The following EIF3H variants were observed in gnomAD, a reference collection of about 807,000 sequenced individuals.
EIF3H encodes eIF-3-gamma.
EIF3H carries 26 observed loss-of-function variants against 44.2 expected under a neutral mutation model. The ratio of observed to expected loss-of-function variants is 0.59; its 90% CI spans 0.43 to 0.82. The LOEUF (loss-of-function observed/expected upper bound fraction) is 0.82. Among genes scored for constraint, EIF3H ranks in the 40% least tolerant of loss-of-function variants. The pLI is 0.00. For missense variants in EIF3H, 359 were observed against 432.8 expected (o/e 0.83, Z 1.51); for synonymous variants, 166 against 151.9 (o/e 1.09, Z -0.68).
At chr8:116,748,173 A>G (rs1815270852) in intron 1 of EIF3H, among the ~76,000 whole-genome samples, 1 of 151,974 alleles carries the variant, frequency 6.6e-6, no homozygotes, top group African/African-American at 2.4e-5. Context: ...AAAAAAACAA[A>G]AACAAAACAA....
intron 2 of EIF3H, among the ~76,000 whole-genome samples, chr8:116,660,330 A>G (rs1813565315): frequency 6.6e-6 from 1 of 152,214 alleles, no homozygotes; most frequent in Non-Finnish European, 1.5e-5. Flanking sequence ...TTTTGGTTAT[A>G]CCACTATGGT....
Position 116,657,331 on chromosome 8 carries a change from G to A in EIF3H, c.458-17C>T. 1 of 1,587,624 alleles carries A rather than the reference G, an allele frequency of 6.3e-7. No individual in the cohort carries two copies. Among genetic ancestry groups the A allele is most frequent in the African/African-American group, 1.3e-5 (1 of 74,434 alleles). On this transcript the variant is annotated splice_polypyrimidine_tract_variant and intron_variant, in intron 3 of 7. Transcript: ENST00000521861. Reference sequence around the variant, plus strand: ...TTATGGGATCTCAAACAAGGAAAGAGAAATAAATTACTAAGAATTTTGTCA... The same window carrying A: ...TTATGGGATCTCAAACAAGGAAAGAAAAATAAATTACTAAGAATTTTGTCA...
chr8:116,667,156 T>C (rs1813684268), intron 2 of EIF3H, among the ~76,000 whole-genome samples: 1 of 152,172 alleles, frequency 6.6e-6, no homozygotes, highest in African/African-American at 2.4e-5. Context: ...GATTAAAACA[T>C]ACAATTTGGC....
At chr8:116,739,419 G>A (rs1436579465) in intron 1 of EIF3H, among the ~76,000 whole-genome samples, 17 of 152,222 alleles carry the variant, frequency 1.1e-4, no homozygotes, top group South Asian at 4.1e-4. Context: ...TGGAGGCCGC[G>A]GCGGGCAGAT....
Position 116,655,937 on chromosome 8 carries a change from T to C in EIF3H, c.626A>G (p.His209Arg), listed in dbSNP as rs1263658641. The C allele has an allele frequency of 6.2e-7, 1 of 1,613,736 alleles. No homozygotes were observed. The highest frequency in any genetic ancestry group is 8.5e-7 in the Non-Finnish European group (1 of 1,179,724). The change falls in exon 5 of 8, where the codon CAT becomes CGT. Residue 209 changes from histidine to arginine, a missense_variant. His to Arg is a conservative substitution (Grantham distance 29). Around this residue, in one of 5 missense-constraint regions of EIF3H, gnomAD observed 85 missense variants for 79.2 expected, o/e 1.07. Coordinates refer to ENST00000521861, the MANE Select transcript of EIF3H (RefSeq NM_003756.3). ...TTCCCACATTAGGACATTGATCAGA[T>C]GTGAATTTTTAATTACAATCGGCAC... ...EEVPIVIKNS[H>R]LINVLMWELE... is the part of the protein sequence containing the mutation.
At chr8:116,745,926 A>T (rs1042896115) in intron 1 of EIF3H, among the ~76,000 whole-genome samples, 2 of 145,170 alleles carry the variant, frequency 1.4e-5, no homozygotes, top group Admixed American at 6.9e-5. Flanking sequence ...GTCTCAAAGG[A>T]AAAAAAAAAA....
At chr8:116,725,945 G>T in intron 2 of EIF3H, 71 bp downstream of exon 2, 1 of 1,496,106 alleles carries the variant, frequency 6.7e-7, no homozygotes, top group Non-Finnish European at 9.0e-7. Context: ...ATTATCAAAA[G>T]TTATGGTGAG....
intron 2 of EIF3H, among the ~76,000 whole-genome samples, chr8:116,705,169 C>T (rs1814446255): frequency 6.6e-6 from 1 of 151,964 alleles, no homozygotes; most frequent in African/African-American, 2.4e-5. Flanking sequence ...AACAGTATGA[C>T]CAAGATACCT....
At chr8:116,749,630 T>A (rs1815294662) in intron 1 of EIF3H, among the ~76,000 whole-genome samples, 1 of 152,220 alleles carries the variant, frequency 6.6e-6, no homozygotes, top group African/African-American at 2.4e-5. Flanking sequence ...CCATTCTTTC[T>A]TTATTTTTGT....
chr8:116,712,210 A>T (rs1343443419), intron 2 of EIF3H, among the ~76,000 whole-genome samples: 1 of 152,154 alleles, frequency 6.6e-6, no homozygotes, highest in Non-Finnish European at 1.5e-5. Flanking sequence ...TCCTTCTACC[A>T]CAGATGCTGG....
chr8:116,764,336 T>C (rs1460175620), intron 1 of EIF3H, among the ~76,000 whole-genome samples: 2 of 152,238 alleles, frequency 1.3e-5, no homozygotes, highest in Non-Finnish European at 2.9e-5. Context: ...ATAATGGCAG[T>C]ATTTGGCTTC....
intron 2 of EIF3H, among the ~76,000 whole-genome samples, chr8:116,660,298 A>G (rs546085774): frequency 6.6e-6 from 1 of 152,350 alleles, no homozygotes; most frequent in African/African-American, 2.4e-5. Context: ...TTAGCAAAAG[A>G]AAAGTTATAT....
chr8:116,748,612 T>C (rs1815278772), intron 1 of EIF3H, among the ~76,000 whole-genome samples: 1 of 152,170 alleles, frequency 6.6e-6, no homozygotes, highest in Admixed American at 6.5e-5. Flanking sequence ...ATACACGAGG[T>C]ACTGTTCTAG....
intron 1 of EIF3H, among the ~76,000 whole-genome samples, chr8:116,752,997 T>A (rs1044955770): frequency 1.3e-5 from 2 of 152,142 alleles, no homozygotes; most frequent in African/African-American, 4.8e-5. Flanking sequence ...AATCCATTAA[T>A]AAAATTTAGA....
chr8:116,655,780 C>T, intron 5 of EIF3H, 76 bp downstream of exon 5: 1 of 1,452,146 alleles, frequency 6.9e-7, no homozygotes, highest in Non-Finnish European at 9.6e-7. Context: ...TCTTGTTTCA[C>T]AGGTAAAGTT....
chr8:116,723,940 A>AT (rs972818641), intron 2 of EIF3H, among the ~76,000 whole-genome samples: 2 of 152,206 alleles, frequency 1.3e-5, no homozygotes, highest in African/African-American at 2.4e-5. Flanking sequence ...TCACAATGAC[A>AT]TTTTTTGTAG....
intron 2 of EIF3H, chr8:116,689,026 A>T (rs1008472463): frequency 4.8e-6 from 2 of 414,184 alleles, no homozygotes; most frequent in Non-Finnish European, 9.8e-6. Context: ...CATTATTCAT[A>T]ATAGGCAAAT....
chr8:116,642,316 T>A lies in EIF3H; in HGVS notation c.*2690A>T, dbSNP rs201175635. 1 of 152,110 alleles carries A rather than the reference T, an allele frequency of 6.6e-6. No homozygotes were observed. The highest frequency in any genetic ancestry group is 1.5e-5 in the Non-Finnish European group (1 of 68,004). 9.4% of individuals were successfully genotyped at this position (152,110 alleles called of 1,614,324 possible). ...GAATGTAATAATATTTTAGAAGACA[T>A]TAAAACTTAAATATTTAGATGCTGT... is the stretch of plus-strand genomic sequence containing the variant. On this transcript the variant is annotated 3_prime_UTR_variant, in exon 8 of 8. Transcript: ENST00000521861.
At chr8:116,678,997 G>C (rs1440577837) in intron 2 of EIF3H, among the ~76,000 whole-genome samples, 1 of 78,802 alleles carries the variant, frequency 1.3e-5, no homozygotes, top group African/African-American at 3.5e-5. Flanking sequence ...AGGTGGGGGG[G>C]TCAGCCCCCC....
Sources: gnomAD v4.1 joint callset for allele counts (sites outside exome capture counted in the v4.1 genomes callset) on GRCh38, gnomAD v4.1.1 for gene constraint, gnomAD v4.1.1 regional missense constraint, MANE v1.5 for transcripts, NCBI Gene and HGNC (gene_info 2026-07-23, HGNC 2026-07-21) for gene names.